Variants in OR3A2 observed in about 807,000 individuals in gnomAD.
OR3A2 encodes the protein olfactory receptor 3A2.
For missense variants in OR3A2, 318 were observed against 392.8 expected, an observed-to-expected ratio of 0.81 and a Z score of 1.61; for synonymous variants, 126 against 159.3, an observed-to-expected ratio of 0.79 and a Z score of 1.57.
chr17:3,342,897 A>T (rs1382863413), intron 2 of OR3A2, among the ~76,000 whole-genome samples: 3 of 152,198 alleles, frequency 2.0e-5, no homozygotes, highest in Admixed American at 6.5e-5. Context: ...GGTGGAGTGC[A>T]CAGAGGCAGG....
At chr17:3,313,550 G>A (rs1376726106) in intron 3 of OR3A2, among the ~76,000 whole-genome samples, 4 of 152,220 alleles carry the variant, frequency 2.6e-5, no homozygotes, top group Non-Finnish European at 5.9e-5. Flanking sequence ...AAGTCTTTCT[G>A]ATCAAATCTA....
rs760763008 is a variant in OR3A2, at chr17:3,278,418, G to A, written c.500C>T (p.Ser167Phe). The change falls in exon 2 of 2, where the codon TCC becomes TTC. Residue 167 changes from serine (S) to phenylalanine (F), a missense_variant. Physicochemically the swap from Ser to Phe is radical, Grantham distance 155 (BLOSUM62 -2). Coordinates refer to ENST00000642052, the Ensembl canonical transcript of OR3A2. ...ATTGGGGCCACAGAAGTTGAGCGTG[G>A]ACATGGCCACAGTGTGGGTCAGTGC... The A allele has an allele frequency of 6.8e-6, 11 of 1,614,220 alleles. No individual in the cohort carries two copies. The highest frequency in any genetic ancestry group is 1.1e-5 in the South Asian group (1 of 91,084).
chr17:3,354,116 T>C (rs997981893), intron 2 of OR3A2, among the ~76,000 whole-genome samples: 12 of 151,852 alleles, frequency 7.9e-5, no homozygotes, highest in Non-Finnish European at 1.6e-4. Flanking sequence ...CCAGTATTCA[T>C]CAGAGATACT....
chr17:3,376,598 C>A (rs1170889670), intron 2 of OR3A2, among the ~76,000 whole-genome samples: 14 of 152,164 alleles, frequency 9.2e-5, no homozygotes, highest in Non-Finnish European at 1.9e-4. Context: ...TGTCACCCAG[C>A]TTCCATGCAG....
intron 3 of OR3A2, among the ~76,000 whole-genome samples, chr17:3,319,126 A>G (rs920031128): frequency 2.0e-5 from 3 of 152,172 alleles, no homozygotes; most frequent in African/African-American, 7.2e-5. Context: ...CATTGAAAAA[A>G]CAGTGTCCCT....
At chr17:3,360,241 A>G (rs1028139576) in intron 2 of OR3A2, among the ~76,000 whole-genome samples, 7 of 145,238 alleles carry the variant, frequency 4.8e-5, no homozygotes, top group Admixed American at 1.4e-4. Flanking sequence ...GTCTGTTCAT[A>G]TCCTTCGCCC....
At chr17:3,288,781 T>C (rs2048838146), upstream of OR3A2, among the ~76,000 whole-genome samples, 1 of 152,226 alleles carries the variant, frequency 6.6e-6, no homozygotes, top group Non-Finnish European at 1.5e-5. Context: ...TTTGCATTTG[T>C]ATTTCTGATA....
At chr17:3,343,241 G>T (rs997987472) in intron 2 of OR3A2, among the ~76,000 whole-genome samples, 1 of 152,096 alleles carries the variant, frequency 6.6e-6, no homozygotes, top group Non-Finnish European at 1.5e-5. Flanking sequence ...GCCCTGCTTC[G>T]GCTCACCCTC....
intron 3 of OR3A2, among the ~76,000 whole-genome samples, chr17:3,322,851 G>A (rs370959765): frequency 6.6e-6 from 1 of 152,292 alleles, no homozygotes; most frequent in East Asian, 1.9e-4. Context: ...ATATTCTGTT[G>A]ATTTGGGGTG....
intron 3 of OR3A2, among the ~76,000 whole-genome samples, chr17:3,331,381 T>C (rs2150642323): frequency 6.6e-6 from 1 of 152,252 alleles, no homozygotes; most frequent in Admixed American, 6.5e-5. Context: ...TCTTTTCACA[T>C]AGTCCCATAT....
intron 2 of OR3A2, among the ~76,000 whole-genome samples, chr17:3,342,327 C>A (rs897806428): frequency 6.6e-6 from 1 of 152,186 alleles, no homozygotes; most frequent in Non-Finnish European, 1.5e-5. Flanking sequence ...GAGCTGCAAT[C>A]CTTTGGAGGA....
At chr17:3,359,783 G>C (rs1415188521) in intron 2 of OR3A2, among the ~76,000 whole-genome samples, 1 of 151,616 alleles carries the variant, frequency 6.6e-6, no homozygotes, top group Non-Finnish European at 1.5e-5. Context: ...GTATTCCATG[G>C]TGTGTATGTG....
intron 2 of OR3A2, among the ~76,000 whole-genome samples, chr17:3,361,585 G>A (rs944948223): frequency 1.3e-5 from 2 of 151,592 alleles, no homozygotes; most frequent in African/African-American, 4.9e-5. Context: ...TTTGAGATAC[G>A]TCCCATCAAT....
chr17:3,385,135 G>C (rs550028238), intron 1 of OR3A2, among the ~76,000 whole-genome samples: 1 of 152,118 alleles, frequency 6.6e-6, no homozygotes, highest in Non-Finnish European at 1.5e-5. Context: ...CAGAGGTTGC[G>C]GTGAGCTGAG....
At chr17:3,354,682 ATTGT>A (rs1353937823) in intron 2 of OR3A2, among the ~76,000 whole-genome samples, 7 of 151,094 alleles carry the variant, frequency 4.6e-5, no homozygotes, top group Non-Finnish European at 1.0e-4. Flanking sequence ...GTTTGGCCAT[ATTGT>A]TTATCTTTTC....
chr17:3,326,486 T>A (rs547386647), intron 3 of OR3A2, among the ~76,000 whole-genome samples: 1 of 152,034 alleles, frequency 6.6e-6, no homozygotes, highest in Non-Finnish European at 1.5e-5. Context: ...GATTTCATTT[T>A]AATATGGACA....
chr17:3,330,613 C>T (rs1439719410), intron 3 of OR3A2, among the ~76,000 whole-genome samples: 9 of 152,008 alleles, frequency 5.9e-5, no homozygotes, highest in Non-Finnish European at 1.2e-4. Context: ...TGTCTCTACA[C>T]GTGAGATGGG....
chr17:3,338,663 G>T (rs2049291576), intron 2 of OR3A2, among the ~76,000 whole-genome samples: 2 of 152,120 alleles, frequency 1.3e-5, no homozygotes, highest in South Asian at 2.1e-4. Context: ...ATGCTGTTTT[G>T]GTTACTGCAG....
chr17:3,371,778 G>A (rs1204939600), intron 2 of OR3A2, among the ~76,000 whole-genome samples: 1 of 141,376 alleles, frequency 7.1e-6, no homozygotes, highest in Non-Finnish European at 1.6e-5. Context: ...CGGCCGGGCA[G>A]AGGCGCCCCT....
Sources: allele counts gnomAD v4.1 joint callset (sites outside exome capture counted in the v4.1 genomes callset), GRCh38; gene constraint gnomAD v4.1.1; transcripts MANE v1.5; gene names NCBI Gene and HGNC (gene_info 2026-07-23, HGNC 2026-07-21).